MSR1: variants seen among roughly 807,000 people sequenced by gnomAD.
MSR1 encodes the protein macrophage scavenger receptor 1.
A neutral mutation model predicts 47.2 loss-of-function variants in MSR1; 53 were observed. The ratio of observed to expected loss-of-function variants is 1.12; its 90% CI spans 0.90 to 1.41. The LOEUF (loss-of-function observed/expected upper bound fraction) is 1.41, where lower values mean the gene tolerates loss of function less well. Ranked by LOEUF, MSR1 falls within the 40% of genes most tolerant of loss-of-function variation. The probability of loss-of-function intolerance (pLI) is 0.00; values close to 1 mark genes in which losing one functional copy is unlikely to be tolerated. For synonymous variants in MSR1, 239 were observed against 185.6 expected, an observed-to-expected ratio of 1.29 and a Z score of -2.34; for missense variants, 786 against 546.9, an observed-to-expected ratio of 1.44 and a Z score of -4.36.
chr8:16,117,227 A>G (rs1230363244), intron 9 of MSR1, among the ~76,000 whole-genome samples: 3 of 152,098 alleles, frequency 2.0e-5, no homozygotes, highest in East Asian at 1.9e-4. Flanking sequence ...TGGCAGCATT[A>G]GATACTCATA....
In MSR1 at chr8:16,175,167, A is replaced by T; in HGVS notation, c.217+20T>A. 1 of 1,604,310 alleles carries T rather than the reference A, an allele frequency of 6.2e-7. No homozygotes were observed. Among genetic ancestry groups the T allele is most frequent in the Non-Finnish European group, 8.5e-7 (1 of 1,171,114 alleles). On this transcript the variant is annotated intron_variant, in intron 3 of 9. Transcript: ENST00000262101. ...TTCACGGGACGAGTTACTAAATTTC[A>T]AAACTCTGGGTTACGTTACCTGCCA...
chr8:16,166,082 C>G (rs1437562711), intron 4 of MSR1, among the ~76,000 whole-genome samples: 2 of 151,436 alleles, frequency 1.3e-5, no homozygotes. Context: ...TGTTAAGTGA[C>G]TAGACAGTGA....
intron 9 of MSR1, among the ~76,000 whole-genome samples, chr8:16,117,661 G>T (rs1046635972): frequency 2.0e-5 from 3 of 152,016 alleles, no homozygotes; most frequent in African/African-American, 7.3e-5. Context: ...TTTCCAACAT[G>T]CTATCTTAGT....
intron 9 of MSR1, among the ~76,000 whole-genome samples, chr8:16,112,570 C>T (rs994397422): frequency 6.6e-6 from 1 of 152,018 alleles, no homozygotes; most frequent in Non-Finnish European, 1.5e-5. Context: ...CGTCTCATTC[C>T]AAATTGTTTT....
chr8:16,149,899 G>T (rs1042084474), intron 7 of MSR1, among the ~76,000 whole-genome samples: 1 of 151,522 alleles, frequency 6.6e-6, no homozygotes, highest in Non-Finnish European at 1.5e-5. Flanking sequence ...GATGATTTAT[G>T]ATTGTGAGGA....
intron 9 of MSR1, among the ~76,000 whole-genome samples, chr8:16,120,045 T>C (rs576523610): frequency 6.6e-6 from 1 of 152,066 alleles, no homozygotes; most frequent in East Asian, 1.9e-4. Flanking sequence ...TACTTTATTC[T>C]CTGTCTTTAG....
At chr8:16,163,578 A>G (rs351573) in intron 5 of MSR1, among the ~76,000 whole-genome samples, 2,910 of 151,520 alleles carry the variant, frequency 0.019, 94 homozygotes, top group African/African-American at 0.067. Flanking sequence ...TTTTATTTAT[A>G]TATATAAGTA....
At chr8:16,146,286 G>A (rs936985234) in intron 7 of MSR1, among the ~76,000 whole-genome samples, 7 of 150,660 alleles carry the variant, frequency 4.6e-5, no homozygotes, top group Non-Finnish European at 8.9e-5. Flanking sequence ...TATCTTTTTT[G>A]CTTTGCTTTC....
intron 1 of MSR1, among the ~76,000 whole-genome samples, chr8:16,178,875 A>G (rs1801740092): frequency 6.6e-6 from 1 of 152,228 alleles, no homozygotes; most frequent in Non-Finnish European, 1.5e-5. Flanking sequence ...GCATTTAAAA[A>G]AAAATGAAAC....
chr8:16,142,944 C>T (rs950456871), intron 8 of MSR1, among the ~76,000 whole-genome samples: 6 of 152,096 alleles, frequency 3.9e-5, no homozygotes, highest in Admixed American at 6.6e-5. Context: ...CAACAATTGA[C>T]TTACAGCATG....
At position 16,122,438 on chromosome 8, in the gene MSR1, A is replaced by C; in HGVS notation, c.1034-1832T>G. The stretch of plus-strand genomic sequence containing the variant: ...TTTATCATGCATGCATGCTATGAAA[A>C]ATCAGGCATACTCAAACATTTGATT... On this transcript the variant is annotated intron_variant, in intron 8 of 9. Transcript: ENST00000262101. 1.3e-5 allele frequency among the ~76,000 whole-genome samples: 2 copies of C among 152,178 alleles called. 1 individual carries two copies. The highest frequency in any genetic ancestry group is 2.9e-5 in the Non-Finnish European group (2 of 68,020).
intron 1 of MSR1, among the ~76,000 whole-genome samples, chr8:16,189,128 C>G (rs1343544546): frequency 7.2e-6 from 1 of 139,854 alleles, no homozygotes; most frequent in African/African-American, 2.7e-5. Context: ...ATACGCAAAA[C>G]CTTATTTTAC....
In MSR1 at chr8:16,120,511, C is replaced by A. The variant is rs528497990; in HGVS notation, c.1129G>T (p.Asp377Tyr). ...HSGQWGTICDDRWEVRVGQVV... is the reference protein window; with the variant it reads ...HSGQWGTICDYRWEVRVGQVV... ...TGTCCAACGCGCACTTCCCAGCGAT[C>A]GTCACAAATTGTACCCCACTGGCCG... The change falls in exon 9 of 10, where the codon GAT (aspartate) becomes TAT (tyrosine). Residue 377 changes from aspartate to tyrosine, a missense_variant. Asp to Tyr is a radical substitution (Grantham distance 160). Transcript: ENST00000262101. 2 of 1,613,602 alleles carry A rather than the reference C, an allele frequency of 1.2e-6. No homozygotes were observed. Among genetic ancestry groups the A allele is most frequent in the Admixed American group, 1.7e-5 (1 of 59,954 alleles).
rs1262185205 is a variant in MSR1 at position 16,175,224 on chromosome 8, C to G, written c.180G>C (p.Val60=). ...CAATGAGAGGGATGAGAACTGCAAA[C>G]ACGAGGAGGTAAAGGGCAATCAGTG... The part of the protein sequence containing the change: ...KAALIALYLL[V]FAVLIPLIGI... Residue 60 remains valine, a synonymous_variant, in exon 3 of 10, where the codon GTG becomes GTC. Coordinates refer to ENST00000262101, the MANE Select transcript of MSR1 (RefSeq NM_138715.3). The G allele has an allele frequency of 1.9e-6, 3 of 1,613,914 alleles. No individual in the cohort carries two copies. The Admixed American group carries it at 5.0e-5, about 27-fold the overall frequency.
Position 16,137,176 on chromosome 8 carries a change from G to C in MSR1, c.1033+6382C>G, listed in dbSNP as rs139561266. On this transcript the variant is annotated intron_variant, in intron 8 of 9. Transcript: ENST00000262101. The stretch of plus-strand genomic sequence containing the variant: ...GCTCTTCCCCAGGTGCACATAAGTA[G>C]CTCTCATTAGTGATAATGGAAGCTT... Among the ~76,000 whole-genome samples, 440 of 152,182 alleles carry C rather than the reference G, an allele frequency of 2.9e-3. 7 individuals carry two copies. The highest frequency in any genetic ancestry group is 0.026 in the East Asian group (134 of 5,166).
intron 3 of MSR1, among the ~76,000 whole-genome samples, chr8:16,171,996 G>A (rs958704163): frequency 1.3e-5 from 2 of 152,104 alleles, no homozygotes; most frequent in Admixed American, 1.3e-4. Flanking sequence ...TCAGGTTTTT[G>A]CTATGATTAA....
intron 7 of MSR1, among the ~76,000 whole-genome samples, chr8:16,145,028 A>T (rs1800661081): frequency 6.6e-6 from 1 of 152,120 alleles, no homozygotes; most frequent in African/African-American, 2.4e-5. Context: ...ATAATGTAAC[A>T]TATACAATCA....
At chr8:16,116,225 T>C (rs1258283581) in intron 9 of MSR1, among the ~76,000 whole-genome samples, 1 of 152,158 alleles carries the variant, frequency 6.6e-6, no homozygotes, top group East Asian at 1.9e-4. Flanking sequence ...TAACTCAAGC[T>C]TCAAAACAAA....
chr8:16,189,293 T>C (rs1340031018), intron 1 of MSR1, among the ~76,000 whole-genome samples: 1 of 133,844 alleles, frequency 7.5e-6, no homozygotes, highest in Non-Finnish European at 1.5e-5. Flanking sequence ...AAAATCTTAT[T>C]TACATTTCAT....
Sources: allele counts gnomAD v4.1 joint callset (sites outside exome capture counted in the v4.1 genomes callset), GRCh38; gene constraint gnomAD v4.1.1; transcripts MANE v1.5; gene names NCBI Gene and HGNC (gene_info 2026-07-23, HGNC 2026-07-21).